Variants in TAFA1 observed in about 807,000 individuals in gnomAD.
The protein encoded by TAFA1 is chemokine-like protein TAFA-1.
TAFA1 carries 4 observed loss-of-function variants against 18.5 expected under a neutral mutation model. That is an observed-to-expected ratio of 0.22 (90% confidence interval 0.11 to 0.49). The LOEUF is 0.49. Ranked by LOEUF, TAFA1 falls within the 20% of genes least tolerant of loss-of-function variation. The pLI is 0.98. For synonymous variants in TAFA1, 56 were observed against 55.2 expected (o/e 1.01, Z -0.06); for missense variants, 147 against 169.0 (o/e 0.87, Z 0.72).
intron 2 of TAFA1, among the ~76,000 whole-genome samples, chr3:68,293,845 A>G (rs1185244199): frequency 6.6e-6 from 1 of 152,174 alleles, no homozygotes; most frequent in Non-Finnish European, 1.5e-5. Flanking sequence ...TTTGAGGCCC[A>G]CTGAGGGACT....
intron 2 of TAFA1, among the ~76,000 whole-genome samples, chr3:68,123,371 C>T (rs909014842): frequency 6.6e-6 from 1 of 152,042 alleles, no homozygotes; most frequent in Non-Finnish European, 1.5e-5. Context: ...TAAAAACACA[C>T]GGATGAAGGA....
intron 2 of TAFA1, among the ~76,000 whole-genome samples, chr3:68,177,421 G>A (rs2066139772): frequency 6.6e-6 from 1 of 152,150 alleles, no homozygotes; most frequent in South Asian, 2.1e-4. Context: ...GGAATTCTGT[G>A]CTTCTTCAGC....
chr3:68,021,278 A>G (rs1360789170), intron 2 of TAFA1, among the ~76,000 whole-genome samples: 2 of 151,514 alleles, frequency 1.3e-5, no homozygotes, highest in African/African-American at 4.8e-5. Flanking sequence ...ATTAATGAAG[A>G]TACCTGACCA....
At chr3:68,388,050 A>G (rs2070141614) in intron 2 of TAFA1, among the ~76,000 whole-genome samples, 1 of 152,200 alleles carries the variant, frequency 6.6e-6, no homozygotes, top group Non-Finnish European at 1.5e-5. Flanking sequence ...CATATTATAT[A>G]TAGTTTGAAA....
chr3:68,364,882 A>C (rs2106801298), intron 2 of TAFA1, among the ~76,000 whole-genome samples: 1 of 152,322 alleles, frequency 6.6e-6, no homozygotes, highest in South Asian at 2.1e-4. Flanking sequence ...GGCACAGAGA[A>C]GTTCAGTCCC....
intron 2 of TAFA1, among the ~76,000 whole-genome samples, chr3:68,104,091 T>C (rs1364749030): frequency 6.6e-6 from 1 of 152,194 alleles, no homozygotes; most frequent in Admixed American, 6.6e-5. Flanking sequence ...TTGTGTATAA[T>C]AATTAGTCTT....
chr3:68,127,751 CGGT>C (rs1478226253), intron 2 of TAFA1, among the ~76,000 whole-genome samples: 109 of 91,996 alleles, frequency 1.2e-3, no homozygotes, highest in Middle Eastern at 0.011. Flanking sequence ...ATGATGGTAG[CGGT>C]GGTGATGCTG....
intron 2 of TAFA1, among the ~76,000 whole-genome samples, chr3:68,245,769 A>G (rs1326167082): frequency 6.6e-6 from 1 of 152,262 alleles, no homozygotes; most frequent in Non-Finnish European, 1.5e-5. Flanking sequence ...TCCTGCAAGT[A>G]CAGATCACAA....
intron 2 of TAFA1, among the ~76,000 whole-genome samples, chr3:68,402,469 C>T (rs1436711894): frequency 2.0e-5 from 3 of 152,106 alleles, no homozygotes; most frequent in Non-Finnish European, 4.4e-5. Context: ...GTATGTAACT[C>T]GGTAGAGTCA....
chr3:68,368,065 A>T (rs2069605877), intron 2 of TAFA1, among the ~76,000 whole-genome samples: 1 of 152,220 alleles, frequency 6.6e-6, no homozygotes, highest in Admixed American at 6.5e-5. Flanking sequence ...AATGAAAAAT[A>T]AGCCATTCTA....
chr3:68,522,400 TA>T (rs1292911905), intron 3 of TAFA1, among the ~76,000 whole-genome samples: 1 of 152,154 alleles, frequency 6.6e-6, no homozygotes, highest in Non-Finnish European at 1.5e-5. Context: ...GCAACATACA[TA>T]AATGTGCAGA....
chr3:68,013,628 C>T (rs1027345987), intron 2 of TAFA1, among the ~76,000 whole-genome samples: 6 of 152,200 alleles, frequency 3.9e-5, no homozygotes, highest in Non-Finnish European at 7.4e-5. Context: ...GTCACTTTGC[C>T]TTTGTAGCAG....
chr3:68,087,975 T>C (rs1461405424), intron 2 of TAFA1, among the ~76,000 whole-genome samples: 2 of 152,204 alleles, frequency 1.3e-5, no homozygotes, highest in Non-Finnish European at 2.9e-5. Context: ...ACTACAACCA[T>C]GTTAGACACA....
chr3:68,538,182 T>G (rs982772168), intron 3 of TAFA1, among the ~76,000 whole-genome samples: 1 of 152,132 alleles, frequency 6.6e-6, no homozygotes, highest in African/African-American at 2.4e-5. Context: ...CAGTCAATTT[T>G]CAGTTCTACA....
chr3:68,099,479 G>A (rs1224686346), intron 2 of TAFA1, among the ~76,000 whole-genome samples: 1 of 151,998 alleles, frequency 6.6e-6, no homozygotes, highest in Non-Finnish European at 1.5e-5. Context: ...AGTCAGAATG[G>A]CTATTATTAA....
At chr3:68,339,031 C>G (rs891043554) in intron 2 of TAFA1, among the ~76,000 whole-genome samples, 6 of 152,180 alleles carry the variant, frequency 3.9e-5, no homozygotes, top group African/African-American at 7.2e-5. Flanking sequence ...AGAATATGGA[C>G]TAGAACAGGC....
intron 1 of TAFA1, 143 bp downstream of exon 1, chr3:68,004,845 A>C (rs1255188093): frequency 6.6e-6 from 1 of 152,142 alleles, no homozygotes; most frequent in Non-Finnish European, 1.5e-5. Flanking sequence ...TAAAGGAGCA[A>C]GCAGTGAGAG....
intron 3 of TAFA1, among the ~76,000 whole-genome samples, chr3:68,514,034 G>A (rs1195922399): frequency 6.6e-6 from 1 of 152,146 alleles, no homozygotes; most frequent in Non-Finnish European, 1.5e-5. Flanking sequence ...CTTCCCCACA[G>A]GTAGCTGTCT....
chr3:68,172,952 T>A (rs999543724), intron 2 of TAFA1, among the ~76,000 whole-genome samples: 4 of 152,120 alleles, frequency 2.6e-5, no homozygotes, highest in African/African-American at 9.7e-5. Context: ...ATATTAGAGA[T>A]GGTTGCACAA....
Sources: gnomAD v4.1 joint callset for allele counts (sites outside exome capture counted in the v4.1 genomes callset) on GRCh38, gnomAD v4.1.1 for gene constraint, MANE v1.5 for transcripts, NCBI Gene and HGNC (gene_info 2026-07-23, HGNC 2026-07-21) for gene names.